HSD11B2: variants seen among roughly 807,000 people sequenced by gnomAD.
HSD11B2 encodes the protein hydroxysteroid 11-beta dehydrogenase 2.
In HSD11B2, 17 loss-of-function variants were observed where a neutral mutation model predicts 20.9. That is an observed-to-expected ratio of 0.81 (90% CI 0.56 to 1.22). The LOEUF (loss-of-function observed/expected upper bound fraction) is 1.22, where lower values mean the gene tolerates loss of function less well. Ranked by LOEUF, HSD11B2 falls within the 50% of genes most tolerant of loss-of-function variation. The probability of loss-of-function intolerance (pLI) is 0.00; values close to 1 mark genes in which losing one functional copy is unlikely to be tolerated. For synonymous variants in HSD11B2, 253 were observed against 255.4 expected, an observed-to-expected ratio of 0.99 and a Z score of 0.09; for missense variants, 480 against 563.6, an observed-to-expected ratio of 0.85 and a Z score of 1.50.
At position 67,436,342 on chromosome 16, in the gene HSD11B2, G is replaced by C; in HGVS notation, c.758G>C (p.Trp253Ser). Residue 253 changes from tryptophan (W) to serine (S), a missense_variant, in exon 4 of 5, where the codon TGG (tryptophan) becomes TCG (serine). This residue lies in a region of HSD11B2 where 374 missense variants were observed against 480.9 expected (regional missense o/e 0.78). Coordinates refer to ENST00000326152, the MANE Select transcript of HSD11B2 (RefSeq NM_000196.4). This position sits in a 1 kb window ranked among gnomAD's most constrained non-coding sequence, Gnocchi z 5.7. The part of the protein sequence containing the change: ...MDTFSCELLP[W>S]GVKVSIIQPG... ...ACATTCAGCTGTGAACTCCTTCCCT[G>C]GGGGGTCAAGGTCAGCATCATCCAG... The C allele has an allele frequency of 6.2e-7, 1 of 1,613,494 alleles. No individual in the cohort carries two copies. The highest frequency in any genetic ancestry group is 8.5e-7 in the Non-Finnish European group (1 of 1,179,854).
rs1386815244 is a variant in HSD11B2, at chr16:67,435,452, T to C, written c.266-176T>C. ...CTGTCACAGAGTTACTGCCCAGGGC[T>C]CAGCTAGAGGGACACAGCCTGCCAG... On this transcript the variant is annotated intron_variant, in intron 1 of 4. Transcript: ENST00000326152. 3 of 694,448 alleles carry C rather than the reference T, an allele frequency of 4.3e-6. No individual in the cohort carries two copies. In the African/African-American group the frequency reaches 5.3e-5, roughly 12 times the overall value. 43.0% of individuals were successfully genotyped at this position (694,448 alleles called of 1,614,324 possible).
rs1262026356 is a variant in HSD11B2 at position 67,436,869 on chromosome 16, T to C, written c.1084T>C (p.Phe362Leu). 6.2e-7 allele frequency: 1 copy of C among 1,613,572 alleles called. No individual in the cohort carries two copies. Among genetic ancestry groups the C allele is most frequent in the Admixed American group, 1.7e-5 (1 of 60,028 alleles). Residue 362 changes from phenylalanine (F) to leucine (L), a missense_variant, in exon 5 of 5, where the codon TTC becomes CTC. Physicochemically the swap from Phe to Leu is conservative, Grantham distance 22. Coordinates refer to ENST00000326152, the MANE Select transcript of HSD11B2 (RefSeq NM_000196.4). The surrounding 1 kb of genome is among the most constrained non-coding windows in gnomAD (Gnocchi z 5.7). ...CCTGCCTGAAGGCCTGCGGCGCCGC[T>C]TCCTGCAGGCCTTCTTCATCAGTCA... ...YYLPEGLRRR[F>L]LQAFFISHCL... is the part of the protein sequence containing the mutation.
chr16:67,433,687 TAC>T (rs759945497), intron 1 of HSD11B2, among the ~76,000 whole-genome samples: 14,927 of 133,448 alleles, frequency 0.11, 883 homozygotes, highest in Middle Eastern at 0.17. Context: ...TGTGTGTGTC[TAC>T]ACACACACAC....
Position 67,436,177 on chromosome 16 carries a change from C to T in HSD11B2, c.664+35C>T, listed in dbSNP as rs1348463102. 2 of 1,613,778 alleles carry T rather than the reference C, an allele frequency of 1.2e-6. No individual in the cohort carries two copies. The highest frequency in any genetic ancestry group is 1.3e-5 in the African/African-American group (1 of 75,054). On this transcript the variant is annotated intron_variant, in intron 3 of 4. Transcript: ENST00000326152. This position sits in a 1 kb window ranked among gnomAD's most constrained non-coding sequence, Gnocchi z 5.7. Reference sequence around the variant, plus strand: ...CCCCCCCACTGGAGCAAAAAGGAGCCCCCTGGGGTGGGGGAGGGCTTAGGG... The same window carrying T: ...CCCCCCCACTGGAGCAAAAAGGAGCTCCCTGGGGTGGGGGAGGGCTTAGGG...
In HSD11B2 at chr16:67,436,187, G is replaced by A. The variant is rs553270183; in HGVS notation, c.664+45G>A. On this transcript the variant is annotated intron_variant, in intron 3 of 4. Transcript: ENST00000326152. This position sits in a 1 kb window ranked among gnomAD's most constrained non-coding sequence, Gnocchi z 5.7. ...GGAGCAAAAAGGAGCCCCCTGGGGT[G>A]GGGGAGGGCTTAGGGAGCCCCTTGC... The A allele has an allele frequency of 1.9e-6, 3 of 1,613,658 alleles. No homozygotes were observed. The highest frequency in any genetic ancestry group is 4.5e-5 in the East Asian group (2 of 44,878).
rs1249341438 is a variant in HSD11B2, at chr16:67,436,881, T to C, written c.1096T>C (p.Phe366Leu). Reference protein sequence around the residue: ...EGLRRRFLQAFFISHCLPRAL... With the variant: ...EGLRRRFLQALFISHCLPRAL... Reference sequence around the variant, plus strand: ...CCTGCGGCGCCGCTTCCTGCAGGCCTTCTTCATCAGTCACTGTCTGCCTCG... The same window carrying C: ...CCTGCGGCGCCGCTTCCTGCAGGCCCTCTTCATCAGTCACTGTCTGCCTCG... Residue 366 changes from phenylalanine to leucine, a missense_variant, in exon 5 of 5, where the codon TTC (phenylalanine) becomes CTC (leucine). By Grantham distance (22) the Phe-to-Leu change is conservative. Transcript: ENST00000326152. This position sits in a 1 kb window ranked among gnomAD's most constrained non-coding sequence, Gnocchi z 5.7. 1.2e-6 allele frequency: 2 copies of C among 1,613,448 alleles called. No individual in the cohort carries two copies. The highest frequency in any genetic ancestry group is 1.7e-5 in the Admixed American group (1 of 60,014).
chr16:67,436,485 T>C lies in HSD11B2; in HGVS notation c.802+99T>C. 3.2e-6 allele frequency: 5 copies of C among 1,544,790 alleles called. No homozygotes were observed. Among genetic ancestry groups the C allele is most frequent in the Non-Finnish European group, 4.4e-6 (5 of 1,137,040 alleles). ...TTTGATGAATGGTCATGGTTTTGGT[T>C]GGGGGTGTAGTTTTGGCTGCAGACC... On this transcript the variant is annotated intron_variant, in intron 4 of 4. Transcript: ENST00000326152. The surrounding 1 kb of genome is among the most constrained non-coding windows in gnomAD (Gnocchi z 5.7).
At chr16:67,432,804 G>GAGAGA (rs1333724222) in intron 1 of HSD11B2, 1 of 152,374 alleles carries the variant, frequency 6.6e-6, no homozygotes, top group East Asian at 1.9e-4. Flanking sequence ...GGCTGGACAG[G>GAGAGA]AGAGACCCAG....
chr16:67,435,418 A>G (rs1423402313), intron 1 of HSD11B2: 5 of 657,566 alleles, frequency 7.6e-6, no homozygotes, highest in Non-Finnish European at 1.4e-5. Context: ...GGAGTCAGGC[A>G]GATGACAGCT....
rs1280051660 is a variant in HSD11B2 at position 67,435,797 on chromosome 16, T to G, written c.435T>G (p.Ile145Met). The G allele has an allele frequency of 6.2e-7, 1 of 1,614,000 alleles. No individual in the cohort carries two copies. Among genetic ancestry groups the G allele is most frequent in the South Asian group, 1.1e-5 (1 of 91,084 alleles). The change falls in exon 2 of 5, where the codon ATT becomes ATG. Residue 145 changes from isoleucine to methionine, a missense_variant. Transcript: ENST00000326152. ...TGGACCTGACCAAACCAGGAGACATTAGCCGCGTGCTAGAGTTCACCAAGG... is the reference window on the plus strand; with the variant it reads ...TGGACCTGACCAAACCAGGAGACATGAGCCGCGTGCTAGAGTTCACCAAGG... ...LQMDLTKPGD[I>M]SRVLEFTKAH...
chr16:67,433,401 T>C (rs2040946522), intron 1 of HSD11B2, among the ~76,000 whole-genome samples: 1 of 152,094 alleles, frequency 6.6e-6, no homozygotes, highest in Non-Finnish European at 1.5e-5. Context: ...GGATCAGGGT[T>C]TGGGCTGAGG....
At position 67,436,725 on chromosome 16, in the gene HSD11B2, G is replaced by A; in HGVS notation, c.940G>A (p.Ala314Thr). The change falls in exon 5 of 5, where the codon GCC becomes ACC. Residue 314 changes from alanine to threonine, a missense_variant. Physicochemically the swap from Ala to Thr is moderately conservative, Grantham distance 58. This residue lies in a region of HSD11B2 where 374 missense variants were observed against 480.9 expected (regional missense o/e 0.78). Coordinates refer to ENST00000326152, the MANE Select transcript of HSD11B2 (RefSeq NM_000196.4). The surrounding 1 kb of genome is among the most constrained non-coding windows in gnomAD (Gnocchi z 5.7). ...GCAGTTCCTGCACTCGCTACGCCTG[G>A]CCATGTCCGACCTCACCCCAGTTGT... The part of the protein sequence containing the change: ...HGQFLHSLRL[A>T]MSDLTPVVDA... 1 of 1,614,098 alleles carries A rather than the reference G, an allele frequency of 6.2e-7. No homozygotes were observed. The highest frequency in any genetic ancestry group is 1.3e-5 in the African/African-American group (1 of 75,052).
At chr16:67,430,249 G>A (rs969037732), upstream of HSD11B2, among the ~76,000 whole-genome samples, 23 of 152,106 alleles carry the variant, frequency 1.5e-4, no homozygotes, top group Non-Finnish European at 2.5e-4. The surrounding 1 kb of genome is among the most constrained non-coding windows in gnomAD (Gnocchi z 5.4). Context: ...GGGGTTCAGG[G>A]GAGCAAGGCA....
rs2040971587 is a variant in HSD11B2, at chr16:67,436,254, A to C, written c.670A>C (p.Met224Leu). ...CACTCCCAATCCATCCGCAGGGGAC[A>C]TGCCATATCCGTGCTTGGGGGCCTA... Reference protein sequence around the residue: ...IVTVGSPAGDMPYPCLGAYGT... With the variant: ...IVTVGSPAGDLPYPCLGAYGT... Residue 224 changes from methionine (M) to leucine (L), a missense_variant, in exon 4 of 5, where the codon ATG becomes CTG. Transcript: ENST00000326152. The surrounding 1 kb of genome is among the most constrained non-coding windows in gnomAD (Gnocchi z 5.7). 1.2e-6 allele frequency: 2 copies of C among 1,613,924 alleles called. No individual in the cohort carries two copies. The highest frequency in any genetic ancestry group is 2.2e-5 in the South Asian group (2 of 91,090).
At chr16:67,435,202 CAAA>C (rs61663548) in intron 1 of HSD11B2, among the ~76,000 whole-genome samples, 8 of 63,066 alleles carry the variant, frequency 1.3e-4, no homozygotes, top group Admixed American at 3.5e-4. Flanking sequence ...GACCCTGTCT[CAAA>C]AAAAAAAAAA....
chr16:67,436,082 G>T lies in HSD11B2; in HGVS notation c.604G>T (p.Gly202Cys). Reference sequence around the variant, plus strand: ...CTTTGGCGCGCTCGAGCTGACCAAGGGCCTCCTGCCCCTGCTGCGCAGCTC... The same window carrying T: ...CTTTGGCGCGCTCGAGCTGACCAAGTGCCTCCTGCCCCTGCTGCGCAGCTC... ...NFFGALELTK[G>C]LLPLLRSSRG... is the part of the protein sequence containing the mutation. Residue 202 changes from glycine (G) to cysteine (C), a missense_variant, in exon 3 of 5, where the codon GGC becomes TGC. Around this residue, in one of 2 missense-constraint regions of HSD11B2, gnomAD observed 374 missense variants for 480.9 expected, o/e 0.78. Coordinates refer to ENST00000326152, the MANE Select transcript of HSD11B2 (RefSeq NM_000196.4). The surrounding 1 kb of genome is among the most constrained non-coding windows in gnomAD (Gnocchi z 5.7). 6.2e-7 allele frequency: 1 copy of T among 1,614,214 alleles called. No homozygotes were observed. The highest frequency in any genetic ancestry group is 2.2e-5 in the East Asian group (1 of 44,882).
chr16:67,434,363 G>A (rs1486064015), intron 1 of HSD11B2, among the ~76,000 whole-genome samples: 1 of 152,236 alleles, frequency 6.6e-6, no homozygotes, highest in East Asian at 1.9e-4. Context: ...GCTGGGAAGG[G>A]AGGTGGGGCT....
intron 1 of HSD11B2, among the ~76,000 whole-genome samples, chr16:67,432,282 G>A (rs1162964805): frequency 6.8e-6 from 1 of 147,526 alleles, no homozygotes; most frequent in African/African-American, 2.6e-5. Flanking sequence ...CTGGAGGCCC[G>A]CCGGAAGTGG....
Position 67,431,311 on chromosome 16 carries a change from G to C in HSD11B2, c.63G>C (p.Leu21=). The part of the protein sequence containing the change: ...AWLLVAARAL[L]QLLRSDLRLG... ...TGCTCGTGGCTGCCCGCGCGCTGCT[G>C]CAGCTGCTGCGCTCAGACCTGCGTC... The change falls in exon 1 of 5, where the codon CTG becomes CTC. Residue 21 remains leucine (L), a synonymous_variant. Transcript: ENST00000326152. 1 of 1,259,162 alleles carries C rather than the reference G, an allele frequency of 7.9e-7. No homozygotes were observed. Among genetic ancestry groups the C allele is most frequent in the Admixed American group, 3.1e-5 (1 of 32,584 alleles). 78.0% of individuals were successfully genotyped at this position (1,259,162 alleles called of 1,614,324 possible). A position where few individuals can be genotyped will look rare whatever the true frequency, so the allele number is the denominator to read the frequency against.
Sources: gnomAD v4.1 joint callset for allele counts (sites outside exome capture counted in the v4.1 genomes callset) on GRCh38, gnomAD v4.1.1 for gene constraint, gnomAD v4.1.1 regional missense constraint, Gnocchi (gnomAD v3.1) non-coding constraint, MANE v1.5 for transcripts, NCBI Gene and HGNC (gene_info 2026-07-23, HGNC 2026-07-21) for gene names.